The following SLCO3A1 variants were observed in gnomAD, a reference collection of about 807,000 sequenced individuals.
SLCO3A1 encodes the protein solute carrier organic anion transporter family member 3A1.
Under a neutral mutation model 63.1 loss-of-function variants are expected in SLCO3A1, and 27 were observed. That is an observed-to-expected ratio of 0.43 (90% confidence interval 0.32 to 0.59). The LOEUF is 0.59. Ranked by LOEUF, SLCO3A1 falls within the 20% of genes least tolerant of loss-of-function variation. SLCO3A1 has a pLI of 0.09. For missense variants in SLCO3A1, 773 were observed against 945.8 expected (o/e 0.82, Z 2.40); for synonymous variants, 473 against 409.9 (o/e 1.15, Z -1.86).
At chr15:92,155,775 A>C (rs149430220) in intron 9 of SLCO3A1, among the ~76,000 whole-genome samples, 2 of 152,276 alleles carry the variant, frequency 1.3e-5, no homozygotes, top group East Asian at 3.9e-4. Context: ...GAAGCAATGA[A>C]AGCTCAAGAT....
chr15:92,076,199 G>A (rs933191637), intron 2 of SLCO3A1, among the ~76,000 whole-genome samples: 8 of 152,150 alleles, frequency 5.3e-5, no homozygotes, highest in African/African-American at 9.7e-5. Context: ...TCCACCGTTC[G>A]TCAAACAAAA....
chr15:92,020,106 A>G (rs1425369155), intron 2 of SLCO3A1, among the ~76,000 whole-genome samples: 1 of 152,258 alleles, frequency 6.6e-6, no homozygotes, highest in Non-Finnish European at 1.5e-5. Context: ...CAGTTGTTAT[A>G]TATCTGGGAT....
intron 2 of SLCO3A1, among the ~76,000 whole-genome samples, chr15:92,016,245 A>ATTGAT (rs199928312): frequency 2.0e-4 from 11 of 55,024 alleles, no homozygotes; most frequent in Non-Finnish European, 2.5e-4. Context: ...AGATAGATAG[A>ATTGAT]TAGATAGATT....
rs1897013083 is a variant in SLCO3A1, at chr15:91,860,148, G to A, written c.180+6060G>A. On this transcript the variant is annotated intron_variant, in intron 1 of 9. Transcript: ENST00000318445. The surrounding 1 kb of genome is among the most constrained non-coding windows in gnomAD (Gnocchi z 5.5). ...ACTTGAAGGAGGTTAAAGCAGGGCAGGCAGGACTGGCTGGGCGGGGCAGGT... is the reference window on the plus strand; with the variant it reads ...ACTTGAAGGAGGTTAAAGCAGGGCAAGCAGGACTGGCTGGGCGGGGCAGGT... 6.6e-6 allele frequency among the ~76,000 whole-genome samples: 1 copy of A among 152,192 alleles called. No individual in the cohort carries two copies. Among genetic ancestry groups the A allele is most frequent in the Admixed American group, 6.5e-5 (1 of 15,286 alleles).
rs553008795 is a variant in SLCO3A1, at chr15:91,916,118, C to G, written c.306C>G (p.Arg102=). Residue 102 remains arginine (R), a synonymous_variant, in exon 2 of 10, where the codon CGC becomes CGG. Transcript: ENST00000318445. The surrounding 1 kb of genome is among the most constrained non-coding windows in gnomAD (Gnocchi z 6.2). The part of the protein sequence containing the change: ...LILFVSYFGA[R]GHRPRLIGCG... ...TCTTCGTGAGCTACTTCGGGGCACG[C>G]GGGCACCGGCCGCGCCTGATCGGCT... 1 of 1,611,110 alleles carries G rather than the reference C, an allele frequency of 6.2e-7. No individual in the cohort carries two copies. The highest frequency in any genetic ancestry group is 8.5e-7 in the Non-Finnish European group (1 of 1,179,438).
intron 8 of SLCO3A1, among the ~76,000 whole-genome samples, chr15:92,150,073 T>C (rs1157553116): frequency 1.4e-4 from 22 of 152,146 alleles, no homozygotes. Context: ...TCCCCATCGC[T>C]CAATGAAAGT....
Position 91,894,162 on chromosome 15 carries a change from G to C in SLCO3A1, c.181-21831G>C, listed in dbSNP as rs1221117281. 1.3e-5 allele frequency among the ~76,000 whole-genome samples: 2 copies of C among 152,076 alleles called. No homozygotes were observed. The highest frequency in any genetic ancestry group is 1.3e-4 in the Admixed American group (2 of 15,270). ...TGAGGATGGGTTTGATCTGTTTGCA[G>C]AACAGCAAGGCAACTGGTGTGGTTT... On this transcript the variant is annotated intron_variant, in intron 1 of 9. Transcript: ENST00000318445. The surrounding 1 kb of genome is among the most constrained non-coding windows in gnomAD (Gnocchi z 4.8).
chr15:91,867,089 C>G (rs1897183911), intron 1 of SLCO3A1, among the ~76,000 whole-genome samples: 1 of 152,160 alleles, frequency 6.6e-6, no homozygotes, highest in Non-Finnish European at 1.5e-5. Flanking sequence ...TGGGGCATGT[C>G]AGGGCTGGCA....
At chr15:91,907,967 A>G (rs1250698404) in intron 1 of SLCO3A1, among the ~76,000 whole-genome samples, 32 of 152,180 alleles carry the variant, frequency 2.1e-4, no homozygotes, top group Admixed American at 2.1e-3. Context: ...AGCAGCTTTC[A>G]TGATCCTGCT....
chr15:92,047,132 A>T (rs1356546258), intron 2 of SLCO3A1, among the ~76,000 whole-genome samples: 277 of 7,962 alleles, frequency 0.035, 63 homozygotes, highest in Middle Eastern at 0.14. Flanking sequence ...TATATATACA[A>T]ATATATATAT....
chr15:92,015,032 C>T (rs1033393987), intron 2 of SLCO3A1, among the ~76,000 whole-genome samples: 2 of 152,170 alleles, frequency 1.3e-5, no homozygotes, highest in Non-Finnish European at 2.9e-5. Context: ...GCATGGCTTT[C>T]AGAAGCCTTG....
intron 7 of SLCO3A1, among the ~76,000 whole-genome samples, chr15:92,143,679 T>G (rs2048180818): frequency 6.8e-6 from 1 of 148,006 alleles, no homozygotes; most frequent in Non-Finnish European, 1.5e-5. Flanking sequence ...AAAATTGTGG[T>G]TTTTGTCATT....
chr15:92,034,308 G>A (rs879407736), intron 2 of SLCO3A1, among the ~76,000 whole-genome samples: 9 of 151,434 alleles, frequency 5.9e-5, no homozygotes, highest in Non-Finnish European at 1.5e-5. Flanking sequence ...AACTGGCTAG[G>A]TGAGGCTGCC....
intron 2 of SLCO3A1, among the ~76,000 whole-genome samples, chr15:91,991,800 C>G (rs1214182461): frequency 6.6e-6 from 1 of 152,174 alleles, no homozygotes; most frequent in African/African-American, 2.4e-5. Context: ...CCGCGCAGCC[C>G]AGCTCTGGAT....
At position 92,150,986 on chromosome 15, in the gene SLCO3A1, A is replaced by T; in HGVS notation, c.1725A>T (p.Gly575=). The change falls in exon 9 of 10, where the codon GGA becomes GGT. Residue 575 remains glycine (G), a synonymous_variant. Coordinates refer to ENST00000318445, the MANE Select transcript of SLCO3A1 (RefSeq NM_013272.4). The part of the protein sequence containing the change: ...VSPELKSYAL[G]VLFLLLRLLG... The stretch of plus-strand genomic sequence containing the variant: ...CTGAACTCAAGTCTTACGCTTTGGG[A>T]GTTCTTTTTCTCCTCCTTCGTTTGT... 6.2e-7 allele frequency: 1 copy of T among 1,612,442 alleles called. No homozygotes were observed. Among genetic ancestry groups the T allele is most frequent in the Non-Finnish European group, 8.5e-7 (1 of 1,179,310 alleles).
chr15:91,892,526 T>A lies in SLCO3A1; in HGVS notation c.181-23467T>A, dbSNP rs188374033. Among the ~76,000 whole-genome samples, 17 of 152,330 alleles carry A rather than the reference T, an allele frequency of 1.1e-4. No homozygotes were observed. The East Asian group carries it at 2.7e-3, about 24-fold the overall frequency. On this transcript the variant is annotated intron_variant, in intron 1 of 9. Coordinates refer to ENST00000318445, the MANE Select transcript of SLCO3A1 (RefSeq NM_013272.4). ...TTTCCCAGCCTGGATAGTATTTTCC[T>A]GACCTGCATTTGTGACATGAGTAGG...
rs111360838 is a variant in SLCO3A1, at chr15:91,865,037, C to T, written c.180+10949C>T. On this transcript the variant is annotated intron_variant, in intron 1 of 9. Transcript: ENST00000318445. The surrounding 1 kb of genome is among the most constrained non-coding windows in gnomAD (Gnocchi z 4.6). ...TTTGCCATGGGCAGTGTCCTTTCTG[C>T]CCCCTCCGTGGTTGGCCACCCGCTG... Among the ~76,000 whole-genome samples the T allele has an allele frequency of 3.2e-3, 493 of 152,280 alleles. 1 individual carries two copies. The highest frequency in any genetic ancestry group is 8.7e-3 in the South Asian group (42 of 4,816).
intron 2 of SLCO3A1, among the ~76,000 whole-genome samples, chr15:91,940,017 C>T (rs1396531091): frequency 6.6e-6 from 1 of 152,148 alleles, no homozygotes; most frequent in African/African-American, 2.4e-5. Context: ...CCAGCCCCTA[C>T]CATTTGCACC....
rs576533984 is a variant in SLCO3A1, at chr15:91,974,192, A to G, written c.646+57734A>G. On this transcript the variant is annotated intron_variant, in intron 2 of 9. Coordinates refer to ENST00000318445, the MANE Select transcript of SLCO3A1 (RefSeq NM_013272.4). ...TCCAACAGTAAGGATAAGAACCAGG[A>G]CAGCAGGTTCCAGAAAGCCAGGTCC... is the stretch of plus-strand genomic sequence containing the variant. Among the ~76,000 whole-genome samples, 8 of 152,186 alleles carry G rather than the reference A, an allele frequency of 5.3e-5. No homozygotes were observed. The East Asian group carries it at 1.5e-3, about 29-fold the overall frequency.
Sources: gnomAD v4.1 joint callset for allele counts (sites outside exome capture counted in the v4.1 genomes callset) on GRCh38, gnomAD v4.1.1 for gene constraint, Gnocchi (gnomAD v3.1) non-coding constraint, MANE v1.5 for transcripts, NCBI Gene and HGNC (gene_info 2026-07-23, HGNC 2026-07-21) for gene names.